The following ATF6 variants were observed in gnomAD, a reference collection of about 807,000 sequenced individuals.
The protein encoded by ATF6 is activating transcription factor 6, also known as cyclic AMP-dependent transcription factor ATF-6 alpha.
ATF6 carries 53 observed loss-of-function variants against 83.6 expected under a neutral mutation model. The ratio of observed to expected loss-of-function variants is 0.63; its 90% CI spans 0.51 to 0.80. ATF6 has a LOEUF of 0.80. ATF6 is among the 30% of genes least tolerant of loss of function. ATF6 has a pLI of 0.00. For missense variants in ATF6, 744 were observed against 797.9 expected (o/e 0.93, Z 0.81); for synonymous variants, 288 against 285.8 (o/e 1.01, Z -0.08).
Position 161,821,058 on chromosome 1 carries a change from C to A in ATF6, c.1096-12C>A, listed in dbSNP as rs764451128. ...TTAGTTTAATTGTATTTAATGTGGTCATTTCCTTTAGAACCAGAGGCTTAA... is the reference window on the plus strand; with the variant it reads ...TTAGTTTAATTGTATTTAATGTGGTAATTTCCTTTAGAACCAGAGGCTTAA... On this transcript the variant is annotated splice_polypyrimidine_tract_variant and intron_variant, in intron 8 of 15. Coordinates refer to ENST00000367942, the MANE Select transcript of ATF6 (RefSeq NM_007348.4). The A allele has an allele frequency of 2.5e-6, 4 of 1,577,298 alleles. No homozygotes were observed. The South Asian group carries it at 3.4e-5, about 14-fold the overall frequency.
intron 9 of ATF6, among the ~76,000 whole-genome samples, chr1:161,827,133 A>G (rs1013995852): frequency 6.6e-6 from 1 of 151,968 alleles, no homozygotes; most frequent in Non-Finnish European, 1.5e-5. Context: ...GGGTTTCACC[A>G]TGTTGGTCAG....
rs112975798 is a variant in ATF6 at position 161,838,150 on chromosome 1, T to C, written c.1188-8299T>C. ...GAAAGTAGCTTATGAATTGACTGGA[T>C]TGATGTAAGTATAACAGAAAAGAGA... is the stretch of plus-strand genomic sequence containing the variant. On this transcript the variant is annotated intron_variant, in intron 9 of 15. Coordinates refer to ENST00000367942, the MANE Select transcript of ATF6 (RefSeq NM_007348.4). 9.9e-3 allele frequency among the ~76,000 whole-genome samples: 1,503 copies of C among 152,290 alleles called. 8 individuals carry two copies. The highest frequency in any genetic ancestry group is 0.017 in the South Asian group (84 of 4,826).
chr1:161,955,172 A>G (rs1184235366), intron 15 of ATF6, among the ~76,000 whole-genome samples: 1 of 152,166 alleles, frequency 6.6e-6, no homozygotes, highest in Non-Finnish European at 1.5e-5. Flanking sequence ...GTCCTTAATG[A>G]AAGTGTGGGG....
At chr1:161,865,452 C>A (rs1686976703) in intron 14 of ATF6, among the ~76,000 whole-genome samples, 1 of 152,110 alleles carries the variant, frequency 6.6e-6, no homozygotes, top group Non-Finnish European at 1.5e-5. Flanking sequence ...GCCACCGCGC[C>A]CAACCAATCC....
rs201470370 is a variant in ATF6 at position 161,791,487 on chromosome 1, C to T, written c.434C>T (p.Ala145Val). The T allele has an allele frequency of 8.7e-6, 14 of 1,612,214 alleles. No individual in the cohort carries two copies. The highest frequency in any genetic ancestry group is 1.7e-4 in the Middle Eastern group (1 of 6,052). Residue 145 changes from alanine to valine, a missense_variant, in exon 5 of 16, where the codon GCG (alanine) becomes GTG (valine). By Grantham distance (64) the Ala-to-Val change is moderately conservative (BLOSUM62 0). Coordinates refer to ENST00000367942, the MANE Select transcript of ATF6 (RefSeq NM_007348.4). ...GAAAACTCTAATAGTCTCTCTTCAG[C>T]GGAGCCACTGAAGGAAGATAAGCCT... ...YGENSNSLSSAEPLKEDKPVT... is the reference protein window; with the variant it reads ...YGENSNSLSSVEPLKEDKPVT...
intron 14 of ATF6, among the ~76,000 whole-genome samples, chr1:161,911,474 A>T (rs1571231414): frequency 6.6e-6 from 1 of 152,310 alleles, no homozygotes; most frequent in East Asian, 1.9e-4. Flanking sequence ...GCTTATTCTT[A>T]CTTTTAGTAC....
At chr1:161,907,738 T>C (rs992926820) in intron 14 of ATF6, among the ~76,000 whole-genome samples, 7 of 152,188 alleles carry the variant, frequency 4.6e-5, no homozygotes, top group African/African-American at 1.7e-4. Flanking sequence ...GTATCTTTAT[T>C]TCATTTGATT....
rs35619050 is a variant in ATF6, at chr1:161,829,189, C to CTTTTTTTTTTTTTTTTTT, written c.1187+8036_1187+8053dup. Among the ~76,000 whole-genome samples, 53 of 72,596 alleles carry CTTTTTTTTTTTTTTTTTT rather than the reference C, an allele frequency of 7.3e-4. 4 individuals are homozygous for CTTTTTTTTTTTTTTTTTT. The highest frequency in any genetic ancestry group is 8.8e-4 in the Non-Finnish European group (35 of 39,762). The allele number at this position is 72,596 out of a possible 152,430, so 47.6% of individuals were successfully genotyped here. ...ACTCCCACACAATCATAATGGGAGACTTTTTTTTTTTTTTTTTTTTTTTTT... is the reference window on the plus strand; with the variant it reads ...ACTCCCACACAATCATAATGGGAGACTTTTTTTTTTTTTTTTTTTTTTTTTTTTTTTTTTTTTTTTTTT... On this transcript the variant is annotated intron_variant, in intron 9 of 15. Transcript: ENST00000367942.
chr1:161,950,780 G>C (rs977212693), intron 15 of ATF6, among the ~76,000 whole-genome samples: 1 of 152,134 alleles, frequency 6.6e-6, no homozygotes, highest in African/African-American at 2.4e-5. Flanking sequence ...TGTTTTTGAG[G>C]CACTAATTGT....
At chr1:161,814,438 G>A (rs996273124) in intron 7 of ATF6, among the ~76,000 whole-genome samples, 1 of 152,122 alleles carries the variant, frequency 6.6e-6, no homozygotes, top group Non-Finnish European at 1.5e-5. Flanking sequence ...AACCTAGCAG[G>A]GACTTTGTCT....
intron 8 of ATF6, 94 bp from the exon 9 acceptor site, chr1:161,820,976 C>A: frequency 1.4e-6 from 1 of 691,386 alleles, no homozygotes; most frequent in South Asian, 2.6e-5. Flanking sequence ...AAGAGATTTA[C>A]GTAACCGGTA....
At chr1:161,865,061 T>C (rs554106365) in intron 14 of ATF6, among the ~76,000 whole-genome samples, 2 of 152,320 alleles carry the variant, frequency 1.3e-5, no homozygotes, top group South Asian at 4.1e-4. Context: ...ATAACAGATA[T>C]TAGAAGTAAC....
intron 9 of ATF6, among the ~76,000 whole-genome samples, chr1:161,832,385 C>G (rs1011990381): frequency 3.3e-5 from 5 of 152,158 alleles, no homozygotes; most frequent in African/African-American, 1.2e-4. Context: ...GTTCATCTCA[C>G]TGGGGAGTGC....
chr1:161,836,975 T>C (rs1348700628), intron 9 of ATF6, among the ~76,000 whole-genome samples: 3 of 152,236 alleles, frequency 2.0e-5, no homozygotes, highest in African/African-American at 4.8e-5. Flanking sequence ...AGTACTTCGA[T>C]ATGTTCTTCA....
At chr1:161,928,587 C>G (rs1238065047) in intron 15 of ATF6, among the ~76,000 whole-genome samples, 1 of 151,530 alleles carries the variant, frequency 6.6e-6, no homozygotes, top group African/African-American at 2.4e-5. Context: ...AAGTTTGCTT[C>G]CTTTTTCCAT....
intron 6 of ATF6, among the ~76,000 whole-genome samples, chr1:161,793,961 C>G (rs969982463): frequency 2.0e-5 from 3 of 152,126 alleles, no homozygotes; most frequent in African/African-American, 7.2e-5. Flanking sequence ...GGCTGGAGTG[C>G]AGTGGTGTGA....
chr1:161,797,835 G>T (rs1286680117), intron 6 of ATF6, among the ~76,000 whole-genome samples: 1 of 152,106 alleles, frequency 6.6e-6, no homozygotes, highest in Non-Finnish European at 1.5e-5. Context: ...AGTTCACATG[G>T]AACTGAAAAA....
chr1:161,767,234 G>A (rs900809505), intron 1 of ATF6, among the ~76,000 whole-genome samples: 22 of 152,190 alleles, frequency 1.4e-4, no homozygotes, highest in Non-Finnish European at 1.9e-4. Context: ...CCGCTAGTGA[G>A]CCTACACCAC....
At chr1:161,891,034 C>A (rs772694696) in intron 14 of ATF6, 1 of 152,236 alleles carries the variant, frequency 6.6e-6, no homozygotes. Flanking sequence ...CTCGTGTCCA[C>A]CTTCTTTCCT....
Sources: allele counts gnomAD v4.1 joint callset (sites outside exome capture counted in the v4.1 genomes callset), GRCh38; gene constraint gnomAD v4.1.1; transcripts MANE v1.5; gene names NCBI Gene and HGNC (gene_info 2026-07-23, HGNC 2026-07-21).